Variants in RIC1 observed in about 807,000 individuals in gnomAD.
RIC1 encodes guanine nucleotide exchange factor subunit RIC1.
Under a neutral mutation model 169.0 loss-of-function variants are expected in RIC1, and 88 were observed. That is an observed-to-expected ratio of 0.52 (90% CI 0.44 to 0.62). The LOEUF (loss-of-function observed/expected upper bound fraction) is 0.62. Ranked by LOEUF, RIC1 falls within the 20% of genes least tolerant of loss-of-function variation. The probability of loss-of-function intolerance (pLI) is 0.00; values close to 1 mark genes in which losing one functional copy is unlikely to be tolerated. For synonymous variants in RIC1, 790 were observed against 601.5 expected, an observed-to-expected ratio of 1.31 and a Z score of -4.59; for missense variants, 1,877 against 1,725.5, an observed-to-expected ratio of 1.09 and a Z score of -1.56.
At chr9:5,700,793 A>G (rs2130769853) in intron 3 of RIC1, among the ~76,000 whole-genome samples, 1 of 152,296 alleles carries the variant, frequency 6.6e-6, no homozygotes, top group South Asian at 2.1e-4. Context: ...AACTTCCTAT[A>G]ACTTTGAACT....
intron 2 of RIC1, among the ~76,000 whole-genome samples, chr9:5,658,494 A>G (rs750290762): frequency 7.9e-5 from 12 of 152,120 alleles, no homozygotes; most frequent in Admixed American, 7.2e-4. Context: ...TCAGTGGTCC[A>G]TGTGAAGTAT....
chr9:5,699,055 T>G (rs1822066104), intron 3 of RIC1, among the ~76,000 whole-genome samples: 1 of 152,222 alleles, frequency 6.6e-6, no homozygotes, highest in Non-Finnish European at 1.5e-5. Flanking sequence ...AGGCAGAGTA[T>G]TCATTTATAC....
At chr9:5,675,303 A>G (rs893891729) in intron 2 of RIC1, among the ~76,000 whole-genome samples, 1 of 152,172 alleles carries the variant, frequency 6.6e-6, no homozygotes. Flanking sequence ...GTCAGGGTGG[A>G]GTAGGTAATC....
intron 2 of RIC1, among the ~76,000 whole-genome samples, chr9:5,658,067 T>G (rs999110894): frequency 3.9e-5 from 6 of 152,130 alleles, no homozygotes; most frequent in Admixed American, 2.6e-4. Context: ...GTAACACAGT[T>G]GTAACTTCAT....
intron 8 of RIC1, 45 bp from the exon 9 acceptor site, chr9:5,742,819 ATTTCT>A: frequency 6.9e-7 from 1 of 1,448,194 alleles, no homozygotes; most frequent in South Asian, 1.2e-5. Flanking sequence ...AAAAACAAGT[ATTTCT>A]GAAGCAACTA....
chr9:5,757,515 T>A (rs540362027), intron 17 of RIC1, 64 bp downstream of exon 17: 22 of 1,544,618 alleles, frequency 1.4e-5, no homozygotes, highest in South Asian at 2.3e-5. Flanking sequence ...TGAGTCCATA[T>A]TAGGAAGTAT....
intron 1 of RIC1, among the ~76,000 whole-genome samples, chr9:5,647,819 T>C (rs1818591859): frequency 6.6e-6 from 1 of 152,226 alleles, no homozygotes; most frequent in Non-Finnish European, 1.5e-5. Flanking sequence ...TTTGTCTTAA[T>C]TCTGACCTTT....
intron 2 of RIC1, among the ~76,000 whole-genome samples, chr9:5,681,935 T>G (rs1820869954): frequency 1.3e-5 from 2 of 152,212 alleles, no homozygotes. Flanking sequence ...TCTCTTTTGA[T>G]CTTTGTTGGT....
chr9:5,772,952 G>A lies in RIC1; in HGVS notation c.3855G>A (p.Leu1285=). The change falls in exon 25 of 26, where the codon CTG becomes CTA. Residue 1285 remains leucine (L), a synonymous_variant. Transcript: ENST00000414202. ...TAGACTGGTGCATCGTTATAGGCCT[G>A]ATTCTTAGAGAATCCTCAATAATCA... ...GCLDWCIVIG[L]ILRESSIINQ... 1 of 1,613,756 alleles carries A rather than the reference G, an allele frequency of 6.2e-7. No homozygotes were observed. The highest frequency in any genetic ancestry group is 8.5e-7 in the Non-Finnish European group (1 of 1,179,794).
chr9:5,712,470 A>G (rs1461443651), intron 3 of RIC1, among the ~76,000 whole-genome samples: 1 of 152,232 alleles, frequency 6.6e-6, no homozygotes, highest in African/African-American at 2.4e-5. Context: ...TCCAGCATCT[A>G]CAAAGGACTC....
chr9:5,748,493 A>G (rs942466680), intron 12 of RIC1: 3 of 152,676 alleles, frequency 2.0e-5, no homozygotes, highest in South Asian at 2.1e-4. Flanking sequence ...AACAATGTAC[A>G]TACCATTTTA....
At position 5,754,023 on chromosome 9, in the gene RIC1, CGT is replaced by C. The variant is rs530844294; in HGVS notation, c.1602+384_1602+385del. ...TGATGTATATGGGATAGTGAGTGTG[CGT>C]GTGTGTATGTGTATGTGTGTGTACA... On this transcript the variant is annotated intron_variant, in intron 14 of 25. Transcript: ENST00000414202. Among the ~76,000 whole-genome samples the C allele has an allele frequency of 2.3e-3, 351 of 152,006 alleles. 1 individual carries two copies. Among genetic ancestry groups the C allele is most frequent in the Middle Eastern group, 6.8e-3 (2 of 292 alleles).
rs754463659 is a variant in RIC1 at position 5,765,403 on chromosome 9, GT to G, written c.2842-5del. The G allele has an allele frequency of 1.9e-6, 3 of 1,608,072 alleles. No individual in the cohort carries two copies. Among genetic ancestry groups the G allele is most frequent in the South Asian group, 1.1e-5 (1 of 89,900 alleles). ...GTATAAAAAGAATGCTGTCCTGGTT[GT>G]TTTTTGTAGAATATGGAAGTCCCTG... is the stretch of plus-strand genomic sequence containing the variant. On this transcript the variant is annotated splice_polypyrimidine_tract_variant and intron_variant, in intron 19 of 25. Transcript: ENST00000414202.
chr9:5,773,528 C>T (rs1827373603), intron 25 of RIC1, among the ~76,000 whole-genome samples: 1 of 152,194 alleles, frequency 6.6e-6, no homozygotes, highest in South Asian at 2.1e-4. Flanking sequence ...GAGCCTTGGA[C>T]TCTAGCCCTG....
chr9:5,666,755 T>C (rs1819791370), intron 2 of RIC1, among the ~76,000 whole-genome samples: 1 of 152,176 alleles, frequency 6.6e-6, no homozygotes, highest in African/African-American at 2.4e-5. Flanking sequence ...GTATGAAGTA[T>C]TTGCTGAGGA....
intron 6 of RIC1, among the ~76,000 whole-genome samples, chr9:5,728,545 C>T (rs1236234816): frequency 2.0e-5 from 3 of 152,242 alleles, no homozygotes; most frequent in Non-Finnish European, 4.4e-5. Flanking sequence ...GCTGCACCCA[C>T]TGTCTGACAA....
chr9:5,664,703 T>C (rs753473746), intron 2 of RIC1, among the ~76,000 whole-genome samples: 1 of 152,220 alleles, frequency 6.6e-6, no homozygotes, highest in Non-Finnish European at 1.5e-5. Context: ...TCCTGAAATA[T>C]GTTTTCCAAC....
rs1818295715 is a variant in RIC1 at position 5,642,386 on chromosome 9, C to T, written c.144+12933C>T. ...GGTCTCATCCAAGGCCTGCTGTCAC[C>T]ACCACCTGGCTACCACCTATGTTCA... On this transcript the variant is annotated intron_variant, in intron 1 of 25. Coordinates refer to ENST00000414202, the MANE Select transcript of RIC1 (RefSeq NM_020829.4). 2.1e-5 allele frequency among the ~76,000 whole-genome samples: 3 copies of T among 144,708 alleles called. No individual in the cohort carries two copies. The South Asian group carries it at 6.4e-4, about 31-fold the overall frequency. 94.9% of individuals were successfully genotyped at this position (144,708 alleles called of 152,430 possible).
At chr9:5,766,716 C>T (rs1398678284) in intron 21 of RIC1, among the ~76,000 whole-genome samples, 1 of 152,126 alleles carries the variant, frequency 6.6e-6, no homozygotes, top group Non-Finnish European at 1.5e-5. Flanking sequence ...ATCATATATA[C>T]GTATATACAA....
Sources: allele counts gnomAD v4.1 joint callset (sites outside exome capture counted in the v4.1 genomes callset), GRCh38; gene constraint gnomAD v4.1.1; transcripts MANE v1.5; gene names NCBI Gene and HGNC (gene_info 2026-07-23, HGNC 2026-07-21).